Variants in RASSF8 observed in about 807,000 individuals in gnomAD.
RASSF8 encodes Ras association domain family member 8, also known as ras association domain-containing protein 8.
Under a neutral mutation model 48.5 loss-of-function variants are expected in RASSF8, and 22 were observed. That is an observed-to-expected ratio of 0.45 (90% CI 0.32 to 0.65). RASSF8 has a LOEUF of 0.65. RASSF8 is among the 30% of genes least tolerant of loss of function. The pLI is 0.03. For synonymous variants in RASSF8, 127 were observed against 171.5 expected, an observed-to-expected ratio of 0.74 and a Z score of 2.03; for missense variants, 418 against 489.2, an observed-to-expected ratio of 0.85 and a Z score of 1.37.
intron 1 of RASSF8, among the ~76,000 whole-genome samples, chr12:25,991,812 G>C (rs1483308486): frequency 1.3e-5 from 2 of 152,102 alleles, no homozygotes; most frequent in Non-Finnish European, 1.5e-5. Flanking sequence ...AATACACAAG[G>C]GTGTGAAAAC....
At chr12:26,077,911 T>A (rs945879814) in intron 5 of RASSF8, among the ~76,000 whole-genome samples, 11 of 152,330 alleles carry the variant, frequency 7.2e-5, no homozygotes, top group Middle Eastern at 3.4e-3. Context: ...AAAATACTTA[T>A]CTCTAAAACC....
At chr12:26,012,157 A>G (rs1334415039) in intron 2 of RASSF8, among the ~76,000 whole-genome samples, 1 of 152,186 alleles carries the variant, frequency 6.6e-6, no homozygotes, top group East Asian at 1.9e-4. Flanking sequence ...GAAGTGTGTG[A>G]TCTTGGGCAA....
At chr12:26,023,234 T>TA (rs1942828432) in intron 2 of RASSF8, among the ~76,000 whole-genome samples, 2 of 151,818 alleles carry the variant, frequency 1.3e-5, no homozygotes, top group African/African-American at 4.8e-5. Context: ...GAAAAAGGAA[T>TA]AAAAAAATTA....
In RASSF8 at chr12:26,051,795, C is replaced by T. The variant is rs560860972; in HGVS notation, c.-108-3441C>T. Among the ~76,000 whole-genome samples, 6 of 152,286 alleles carry T rather than the reference C, an allele frequency of 3.9e-5. No individual in the cohort carries two copies. In the East Asian group the frequency reaches 1.2e-3, roughly 29 times the overall value. On this transcript the variant is annotated intron_variant, in intron 2 of 5. Transcript: ENST00000689635. Reference sequence around the variant, plus strand: ...GGTGGGCTTTGAATAAGAAACTCAACTGAGTGCTTACTGATTCATTAACGT... The same window carrying T: ...GGTGGGCTTTGAATAAGAAACTCAATTGAGTGCTTACTGATTCATTAACGT...
At chr12:25,964,633 G>GTA (rs1941314909) in intron 1 of RASSF8, among the ~76,000 whole-genome samples, 1 of 152,112 alleles carries the variant, frequency 6.6e-6, no homozygotes, top group Non-Finnish European at 1.5e-5. Flanking sequence ...CCAGATACAA[G>GTA]TATATATGTT....
downstream of RASSF8, among the ~76,000 whole-genome samples, chr12:26,076,724 T>C (rs562708536): frequency 3.8e-4 from 58 of 152,350 alleles, no homozygotes; most frequent in African/African-American, 1.4e-3. Flanking sequence ...ACAATAAACA[T>C]ACAAGTGCAT....
downstream of RASSF8, among the ~76,000 whole-genome samples, chr12:26,076,717 A>G (rs898220534): frequency 6.6e-6 from 1 of 152,250 alleles, no homozygotes; most frequent in Admixed American, 6.5e-5. Context: ...TAGTGCCACA[A>G]TAAACATACA....
At position 26,070,190 on chromosome 12, in the gene RASSF8, T is replaced by C; in HGVS notation, c.*1372T>C. The C allele has an allele frequency of 1.0e-6, 1 of 962,948 alleles. No homozygotes were observed. Among genetic ancestry groups the C allele is most frequent in the South Asian group, 4.8e-5 (1 of 20,790 alleles). The allele number at this position is 962,948 out of a possible 1,614,324, so 59.7% of individuals were successfully genotyped here. On this transcript the variant is annotated 3_prime_UTR_variant, in exon 6 of 6. Coordinates refer to ENST00000689635, the MANE Select transcript of RASSF8 (RefSeq NM_001394098.1). The stretch of plus-strand genomic sequence containing the variant: ...TGAAGAAGTTACATCCTCTGTATTA[T>C]TTACATGCAACAAAATAAAAGTGGA...
chr12:26,010,952 G>GT (rs1374551293), intron 2 of RASSF8, among the ~76,000 whole-genome samples: 3 of 152,138 alleles, frequency 2.0e-5, no homozygotes, highest in Non-Finnish European at 4.4e-5. Context: ...TTTAAGTGTT[G>GT]TAAGGGCCCT....
At chr12:25,976,873 A>G (rs755412582) in intron 1 of RASSF8, among the ~76,000 whole-genome samples, 6 of 152,152 alleles carry the variant, frequency 3.9e-5, no homozygotes, top group Non-Finnish European at 7.4e-5. Context: ...CCCAAAGCCT[A>G]ACACCACATG....
At chr12:26,040,773 C>G (rs1054119625) in intron 2 of RASSF8, among the ~76,000 whole-genome samples, 1 of 152,050 alleles carries the variant, frequency 6.6e-6, no homozygotes, top group African/African-American at 2.4e-5. Flanking sequence ...GTTTTCTGGG[C>G]ATTGAATATA....
At chr12:26,044,432 A>G (rs1943330316) in intron 2 of RASSF8, among the ~76,000 whole-genome samples, 2 of 152,210 alleles carry the variant, frequency 1.3e-5, no homozygotes, top group South Asian at 4.1e-4. Context: ...CTTAAGCATG[A>G]AGTTTATTTT....
chr12:26,041,171 C>T (rs1179374838), intron 2 of RASSF8, among the ~76,000 whole-genome samples: 1 of 152,072 alleles, frequency 6.6e-6, no homozygotes, highest in African/African-American at 2.4e-5. Flanking sequence ...GGATTACAGG[C>T]GTGAGCCACC....
chr12:26,041,313 T>G (rs1943260711), intron 2 of RASSF8, among the ~76,000 whole-genome samples: 1 of 152,190 alleles, frequency 6.6e-6, no homozygotes, highest in Non-Finnish European at 1.5e-5. Context: ...TATATACAGC[T>G]TTTAGAGATT....
rs146980859 is a variant in RASSF8, at chr12:25,967,951, G to A, written c.-203+8803G>A. Among the ~76,000 whole-genome samples, 571 of 152,278 alleles carry A rather than the reference G, an allele frequency of 3.7e-3. 3 individuals carry two copies. Among genetic ancestry groups the A allele is most frequent in the African/African-American group, 0.012 (492 of 41,548 alleles). On this transcript the variant is annotated intron_variant, in intron 1 of 5. Coordinates refer to ENST00000689635, the MANE Select transcript of RASSF8 (RefSeq NM_001394098.1). The stretch of plus-strand genomic sequence containing the variant: ...GCACACCCTGGATCCCGCTGTCTTC[G>A]GGGCCCTTCTCTATCAGTAATCCAT...
intron 4 of RASSF8, 74 bp downstream of exon 4, chr12:26,065,461 T>A (rs1276033411): frequency 1.4e-6 from 2 of 1,479,464 alleles, no homozygotes; most frequent in Non-Finnish European, 1.8e-6. Context: ...TTTTCATCAT[T>A]GTCAATTTTT....
Position 26,068,753 on chromosome 12 carries a change from A to T in RASSF8, c.1195A>T (p.Ser399Cys), listed in dbSNP as rs1388780954. 6.5e-7 allele frequency: 1 copy of T among 1,537,294 alleles called. No homozygotes were observed. The highest frequency in any genetic ancestry group is 8.7e-7 in the Non-Finnish European group (1 of 1,146,890). The part of the protein sequence containing the change: ...KRPGSSRQLP[S>C]NLRILQNPIS... ...ACCTGGTTCATCTCGGCAGCTCCCC[A>T]GTAATCTCCGCATTCTGCAGAATCC... Residue 399 changes from serine to cysteine, a missense_variant, in exon 6 of 6, where the codon AGT becomes TGT. Physicochemically the swap from Ser to Cys is moderately radical, Grantham distance 112. Transcript: ENST00000689635.
chr12:26,036,373 A>G (rs1943150736), intron 2 of RASSF8, among the ~76,000 whole-genome samples: 1 of 152,198 alleles, frequency 6.6e-6, no homozygotes, highest in Non-Finnish European at 1.5e-5. Flanking sequence ...AATTCTTACC[A>G]AGGAATAAAT....
intron 2 of RASSF8, among the ~76,000 whole-genome samples, chr12:25,999,993 T>G (rs962625473): frequency 2.6e-5 from 4 of 152,234 alleles, no homozygotes; most frequent in African/African-American, 9.6e-5. Flanking sequence ...TTTAATATTT[T>G]ATATTGATTT....
Sources: gnomAD v4.1 joint callset for allele counts (sites outside exome capture counted in the v4.1 genomes callset) on GRCh38, gnomAD v4.1.1 for gene constraint, MANE v1.5 for transcripts, NCBI Gene and HGNC (gene_info 2026-07-23, HGNC 2026-07-21) for gene names.